CUX1: variants seen among roughly 807,000 people sequenced by gnomAD.
CUX1 encodes the protein cut like homeobox 1, also known as protein CASP.
CUX1 carries 31 observed loss-of-function variants against 158.8 expected under a neutral mutation model. The observed-to-expected ratio is 0.20, with a 90% confidence interval of 0.15 to 0.26. The LOEUF (loss-of-function observed/expected upper bound fraction) is 0.26, where lower values mean the gene tolerates loss of function less well. Among genes scored for constraint, CUX1 ranks in the 10% least tolerant of loss-of-function variants. The pLI is 1.00. For missense variants in CUX1, 1,589 were observed against 2,014.6 expected, an observed-to-expected ratio of 0.79 and a Z score of 4.04; for synonymous variants, 879 against 862.1, an observed-to-expected ratio of 1.02 and a Z score of -0.34.
intron 1 of CUX1, among the ~76,000 whole-genome samples, chr7:101,849,067 T>C (rs2131245632): frequency 6.6e-6 from 1 of 152,206 alleles, no homozygotes; most frequent in South Asian, 2.1e-4. Context: ...TGGCAGCAGG[T>C]TTGGCCAGTT....
intron 4 of CUX1, among the ~76,000 whole-genome samples, chr7:102,091,055 G>T (rs782807018): frequency 3.3e-5 from 5 of 152,152 alleles, no homozygotes; most frequent in Admixed American, 6.5e-5. Flanking sequence ...ATAAGGCATT[G>T]AACCATTTTT....
chr7:102,010,131 A>C (rs1246580615), intron 2 of CUX1, among the ~76,000 whole-genome samples: 1 of 152,042 alleles, frequency 6.6e-6, no homozygotes, highest in Admixed American at 6.6e-5. Context: ...GCGGTGGCTC[A>C]TGCCTGTAAT....
At chr7:102,241,841 G>A (rs1470169696) in intron 23 of CUX1, among the ~76,000 whole-genome samples, 1 of 152,170 alleles carries the variant, frequency 6.6e-6, no homozygotes, top group Non-Finnish European at 1.5e-5. Flanking sequence ...GTGGTAACAC[G>A]CACCTACAGC....
intron 2 of CUX1, among the ~76,000 whole-genome samples, chr7:102,010,885 C>T (rs753470059): frequency 2.0e-4 from 30 of 152,132 alleles, no homozygotes; most frequent in Admixed American, 3.3e-4. Context: ...CCGAGGTGGG[C>T]GGATCACCTG....
intron 2 of CUX1, among the ~76,000 whole-genome samples, chr7:102,023,043 T>C (rs1819568908): frequency 6.6e-6 from 1 of 152,092 alleles, no homozygotes; most frequent in Non-Finnish European, 1.5e-5. Context: ...GGTGAAAACT[T>C]GTCTCTACTA....
intron 10 of CUX1, among the ~76,000 whole-genome samples, chr7:102,174,698 C>T (rs1430295598): frequency 6.6e-6 from 1 of 152,218 alleles, no homozygotes; most frequent in Non-Finnish European, 1.5e-5. Flanking sequence ...ATAATCCCAG[C>T]ACTTTGGGAG....
At chr7:102,073,019 G>C (rs1328451973) in intron 4 of CUX1, among the ~76,000 whole-genome samples, 1 of 152,026 alleles carries the variant, frequency 6.6e-6, no homozygotes, top group Non-Finnish European at 1.5e-5. Flanking sequence ...TCTGGGAGCA[G>C]GATCCCAGAA....
chr7:102,256,936 C>G lies in CUX1; in HGVS notation c.*7894C>G. 2 of 985,448 alleles carry G rather than the reference C, an allele frequency of 2.0e-6. No individual in the cohort carries two copies. Among genetic ancestry groups the G allele is most frequent in the Non-Finnish European group, 2.4e-6 (2 of 829,974 alleles). The allele number at this position is 985,448 out of a possible 1,614,324, so 61.0% of individuals were successfully genotyped here. A position where few individuals can be genotyped will look rare whatever the true frequency, so the allele number is the denominator to read the frequency against. On this transcript the variant is annotated 3_prime_UTR_variant, in exon 24 of 24. Transcript: ENST00000292535. ...TTCAAAGCAACAGTGTTTTGTAGTACCAGGCTGTGGCTTGAGGGCTCACCT... is the reference window on the plus strand; with the variant it reads ...TTCAAAGCAACAGTGTTTTGTAGTAGCAGGCTGTGGCTTGAGGGCTCACCT...
chr7:102,211,523 G>A (rs1007857499), intron 20 of CUX1, among the ~76,000 whole-genome samples: 4 of 151,912 alleles, frequency 2.6e-5, no homozygotes, highest in Non-Finnish European at 4.4e-5. Context: ...GCTCACACCT[G>A]TAATCCCAGC....
chr7:102,262,796 G>A (rs975912649), downstream of CUX1, among the ~76,000 whole-genome samples: 4 of 152,160 alleles, frequency 2.6e-5, no homozygotes, highest in East Asian at 1.9e-4. Flanking sequence ...GATGCTTGCC[G>A]CGGGGTAGTA....
At chr7:102,096,295 C>G (rs533806468) in intron 4 of CUX1, among the ~76,000 whole-genome samples, 4 of 152,334 alleles carry the variant, frequency 2.6e-5, no homozygotes, top group Admixed American at 2.0e-4. Flanking sequence ...TTCTGAACAC[C>G]CTTCATTAGT....
chr7:101,882,682 G>C (rs1372641843), intron 1 of CUX1, among the ~76,000 whole-genome samples: 2 of 152,188 alleles, frequency 1.3e-5, no homozygotes, highest in African/African-American at 4.8e-5. Flanking sequence ...TAGGTACTCA[G>C]AATATAGCAG....
At position 102,281,046 on chromosome 7, in the gene CUX1, G is replaced by A. The variant is rs138740708; in HGVS notation, c.1821+186G>A. Among the ~76,000 whole-genome samples the A allele has an allele frequency of 4.2e-4, 64 of 152,316 alleles. No individual in the cohort carries two copies. In the East Asian group the frequency reaches 0.011, roughly 27 times the overall value. ...CTCTGAGAGCATGGTTCACAGCATG[G>A]TTCTGAACTGGGCTGTAGAGGGGGC... On this transcript the variant is annotated intron_variant, in intron 20 of 22. Transcript: ENST00000292538.
chr7:101,903,197 A>G (rs1802349237), intron 1 of CUX1, among the ~76,000 whole-genome samples: 1 of 152,092 alleles, frequency 6.6e-6, no homozygotes, highest in South Asian at 2.1e-4. Flanking sequence ...GCCCCTCCCC[A>G]TCCTGGTATG....
intron 2 of CUX1, among the ~76,000 whole-genome samples, chr7:102,019,987 G>T (rs1320366395): frequency 6.6e-6 from 1 of 152,096 alleles, no homozygotes; most frequent in African/African-American, 2.4e-5. Context: ...ATCAGCCATT[G>T]TAGAAAAAGA....
Position 102,233,728 on chromosome 7 carries a change from A to C in CUX1, c.3434-324A>C, listed in dbSNP as rs573610363. Among the ~76,000 whole-genome samples the C allele has an allele frequency of 3.3e-5, 5 of 152,306 alleles. No individual in the cohort carries two copies. The South Asian group carries it at 1.0e-3, about 32-fold the overall frequency. On this transcript the variant is annotated intron_variant, in intron 21 of 23. Coordinates refer to ENST00000292535, the MANE Select transcript of CUX1 (RefSeq NM_181552.4). ...CTTGAACCTGGGAGGCGGAGGTTGC[A>C]GTGAGCCAAGATTACACTACTGCGC...
intron 10 of CUX1, 113 bp downstream of exon 10, chr7:102,170,663 A>C: frequency 3.0e-6 from 2 of 674,228 alleles, no homozygotes; most frequent in South Asian, 4.4e-5. Flanking sequence ...TCACGTTTTA[A>C]CTAGTACTGC....
At chr7:101,984,139 C>CAT (rs1222076197) in intron 2 of CUX1, among the ~76,000 whole-genome samples, 3 of 45,708 alleles carry the variant, frequency 6.6e-5, no homozygotes, top group East Asian at 9.5e-4. Context: ...TACACACACA[C>CAT]ATATATATAT....
Position 102,239,457 on chromosome 7 carries a change from G to C in CUX1, c.3760G>C (p.Glu1254Gln), listed in dbSNP as rs1554534086. 1 of 1,614,032 alleles carries C rather than the reference G, an allele frequency of 6.2e-7. No individual in the cohort carries two copies. Among genetic ancestry groups the C allele is most frequent in the East Asian group, 2.2e-5 (1 of 44,880 alleles). Residue 1254 changes from glutamate (E) to glutamine (Q), a missense_variant, in exon 23 of 24, where the codon GAG becomes CAG. By Grantham distance (29) the Glu-to-Gln change is conservative. This residue lies in a region of CUX1 where 259 missense variants were observed against 373.8 expected (regional missense o/e 0.69). Transcript: ENST00000292535. The part of the protein sequence containing the change: ...LKKPRVVLAP[E>Q]EKEALKRAYQ... ...GAAACCCCGGGTGGTGCTGGCTCCG[G>C]AGGAGAAGGAGGCGCTGAAACGAGC...
Sources: gnomAD v4.1 joint callset for allele counts (sites outside exome capture counted in the v4.1 genomes callset) on GRCh38, gnomAD v4.1.1 for gene constraint, gnomAD v4.1.1 regional missense constraint, MANE v1.5 for transcripts, NCBI Gene and HGNC (gene_info 2026-07-23, HGNC 2026-07-21) for gene names.